Variants in ZNF366 observed in about 807,000 individuals in gnomAD.
ZNF366 encodes zinc finger protein 366.
A neutral mutation model predicts 47.2 loss-of-function variants in ZNF366; 20 were observed. That is an observed-to-expected ratio of 0.42 (90% confidence interval 0.30 to 0.62). ZNF366 has a LOEUF of 0.62. Ranked by LOEUF, ZNF366 falls within the 20% of genes least tolerant of loss-of-function variation. The pLI, the probability that ZNF366 is intolerant of heterozygous loss-of-function variation, is 0.16. For missense variants in ZNF366, 987 were observed against 976.3 expected (o/e 1.01, Z -0.15); for synonymous variants, 421 against 395.1 (o/e 1.07, Z -0.78).
rs1743185865 is a variant in ZNF366, at chr5:72,456,396, C to T, written c.1524+8G>A. On this transcript the variant is annotated splice_region_variant and intron_variant, in intron 3 of 4. Transcript: ENST00000318442. ...ACCCTCTGGTTCCTCTCTAGTCCCACTGCCCACCTTGCATTTGAAAGGCTT... is the reference window on the plus strand; with the variant it reads ...ACCCTCTGGTTCCTCTCTAGTCCCATTGCCCACCTTGCATTTGAAAGGCTT... 6.3e-7 allele frequency: 1 copy of T among 1,594,678 alleles called. No individual in the cohort carries two copies. Among genetic ancestry groups the T allele is most frequent in the Non-Finnish European group, 8.6e-7 (1 of 1,165,280 alleles).
rs1743296876 is a variant in ZNF366 at position 72,460,972 on chromosome 5, G to A, written c.525C>T (p.Pro175=). The A allele has an allele frequency of 1.2e-6, 2 of 1,613,430 alleles. No individual in the cohort carries two copies. Among genetic ancestry groups the A allele is most frequent in the Non-Finnish European group, 1.7e-6 (2 of 1,179,682 alleles). ...GGCCCGGGTGGACTTTGGGGTAGTAGGGGTAGGGCGTGGGCAGGAATGGAG... is the reference window on the plus strand; with the variant it reads ...GGCCCGGGTGGACTTTGGGGTAGTAAGGGTAGGGCGTGGGCAGGAATGGAG... The part of the protein sequence containing the change: ...TPTPFLPTPY[P]YYPKVHPGLM... Residue 175 remains proline, a synonymous_variant, in exon 2 of 5, where the codon CCC becomes CCT. Transcript: ENST00000318442.
chr5:72,449,175 C>T (rs1034843274), intron 3 of ZNF366, among the ~76,000 whole-genome samples: 12 of 151,984 alleles, frequency 7.9e-5, no homozygotes, highest in African/African-American at 2.9e-4. Flanking sequence ...TCAGCATGCA[C>T]ATGTATAAAA....
chr5:72,504,200 C>A (rs1313847825), intron 1 of ZNF366, among the ~76,000 whole-genome samples: 2 of 152,058 alleles, frequency 1.3e-5, no homozygotes, highest in African/African-American at 4.8e-5. Flanking sequence ...GAGAGAGAAC[C>A]CCAAGTGTGC....
chr5:72,496,529 A>G (rs1406219282), intron 1 of ZNF366, among the ~76,000 whole-genome samples: 1 of 152,052 alleles, frequency 6.6e-6, no homozygotes, highest in African/African-American at 2.4e-5. Context: ...TTGCTTATCC[A>G]CTCACCAATT....
At chr5:72,503,516 T>C (rs1356504331) in intron 1 of ZNF366, among the ~76,000 whole-genome samples, 3 of 149,840 alleles carry the variant, frequency 2.0e-5, no homozygotes, top group Non-Finnish European at 3.0e-5. Context: ...AACAAGCCCG[T>C]AGGTGAATTC....
In ZNF366 at chr5:72,460,600, G is replaced by A. The variant is rs911164073; in HGVS notation, c.897C>T (p.His299=). 6.2e-7 allele frequency: 1 copy of A among 1,614,164 alleles called. No homozygotes were observed. The highest frequency in any genetic ancestry group is 1.3e-5 in the African/African-American group (1 of 75,072). Residue 299 remains histidine, a synonymous_variant, in exon 2 of 5, where the codon CAC becomes CAT. Coordinates refer to ENST00000318442, the MANE Select transcript of ZNF366 (RefSeq NM_152625.3). The part of the protein sequence containing the change: ...LFKQLSHLHT[H]MLTHQGTRPH... ...GCCGCGTGCCCTGGTGGGTCAGCATGTGGGTATGCAGGTGGCTGAGCTGCT... is the reference window on the plus strand; with the variant it reads ...GCCGCGTGCCCTGGTGGGTCAGCATATGGGTATGCAGGTGGCTGAGCTGCT...
Position 72,447,491 on chromosome 5 carries a change from T to C in ZNF366, c.1525-74A>G, listed in dbSNP as rs2112315705. On this transcript the variant is annotated intron_variant, in intron 3 of 4. Transcript: ENST00000318442. Reference sequence around the variant, plus strand: ...CCCATCCAGGCCCCTGGAGCACAGATACCGTTTCTACTTTGTTTGGACATT... The same window carrying C: ...CCCATCCAGGCCCCTGGAGCACAGACACCGTTTCTACTTTGTTTGGACATT... The C allele has an allele frequency of 3.3e-6, 5 of 1,536,986 alleles. No individual in the cohort carries two copies. The South Asian group carries it at 3.6e-5, about 11-fold the overall frequency.
At chr5:72,482,502 A>C (rs1743808146) in intron 1 of ZNF366, among the ~76,000 whole-genome samples, 1 of 152,210 alleles carries the variant, frequency 6.6e-6, no homozygotes. Context: ...TTCTTTCAAC[A>C]GACAGGGGAC....
chr5:72,473,915 C>T lies in ZNF366; in HGVS notation c.-14-12405G>A, dbSNP rs530036014. On this transcript the variant is annotated intron_variant, in intron 1 of 4. Coordinates refer to ENST00000318442, the MANE Select transcript of ZNF366 (RefSeq NM_152625.3). ...ATATCCCTTGCTTGGTTGTGATCCTCTTACTATGCATTGCTATATCTGCCT... is the reference window on the plus strand; with the variant it reads ...ATATCCCTTGCTTGGTTGTGATCCTTTTACTATGCATTGCTATATCTGCCT... Among the ~76,000 whole-genome samples, 7 of 152,318 alleles carry T rather than the reference C, an allele frequency of 4.6e-5. No individual in the cohort carries two copies. The South Asian group carries it at 1.2e-3, about 27-fold the overall frequency.
chr5:72,454,069 T>C (rs978468350), intron 3 of ZNF366, among the ~76,000 whole-genome samples: 3 of 152,226 alleles, frequency 2.0e-5, no homozygotes, highest in Non-Finnish European at 2.9e-5. Context: ...CTGTGCATTG[T>C]TTCAAAGCTG....
Position 72,461,578 on chromosome 5 carries a change from T to A in ZNF366, c.-14-68A>T. On this transcript the variant is annotated intron_variant, in intron 1 of 4. Coordinates refer to ENST00000318442, the MANE Select transcript of ZNF366 (RefSeq NM_152625.3). Reference sequence around the variant, plus strand: ...TTAAAATTCTCTTTTTCCTTAAGGATTATGGCTATTTATCAGTACTAATTT... The same window carrying A: ...TTAAAATTCTCTTTTTCCTTAAGGAATATGGCTATTTATCAGTACTAATTT... 3.3e-6 allele frequency: 5 copies of A among 1,499,620 alleles called. No individual in the cohort carries two copies. In the South Asian group the frequency reaches 5.5e-5, roughly 17 times the overall value. 92.9% of individuals were successfully genotyped at this position (1,499,620 alleles called of 1,614,324 possible).
At chr5:72,502,949 C>A (rs1341690832) in intron 1 of ZNF366, among the ~76,000 whole-genome samples, 1 of 152,048 alleles carries the variant, frequency 6.6e-6, no homozygotes, top group Non-Finnish European at 1.5e-5. Context: ...CATGGTGAAT[C>A]CCCATCTCTA....
rs1175782444 is a variant in ZNF366, at chr5:72,442,695, AC to A, written c.*1060del. The stretch of plus-strand genomic sequence containing the variant: ...TTTTGAGGCAGAGTCTCACTCTGTC[AC>A]CCAGGCTGTAGTGCAGTAGCGTGAT... On this transcript the variant is annotated 3_prime_UTR_variant, in exon 5 of 5. Transcript: ENST00000318442. 8.0e-6 allele frequency: 1 copy of A among 124,226 alleles called. No homozygotes were observed. Among genetic ancestry groups the A allele is most frequent in the African/African-American group, 3.1e-5 (1 of 31,972 alleles). 7.7% of individuals were successfully genotyped at this position (124,226 alleles called of 1,614,324 possible). A position where few individuals can be genotyped will look rare whatever the true frequency, so the allele number is the denominator to read the frequency against.
intron 1 of ZNF366, among the ~76,000 whole-genome samples, chr5:72,506,046 A>G (rs1744313001): frequency 6.6e-6 from 1 of 152,246 alleles, no homozygotes. Flanking sequence ...TGATGGTTCA[A>G]TTTTGAATAA....
intron 1 of ZNF366, among the ~76,000 whole-genome samples, chr5:72,500,766 G>T (rs151333810): frequency 3.3e-5 from 5 of 152,196 alleles, no homozygotes; most frequent in African/African-American, 1.2e-4. Context: ...ACTTGAATGT[G>T]CAACTGGTCA....
intron 2 of ZNF366, among the ~76,000 whole-genome samples, chr5:72,459,266 A>T (rs1743253199): frequency 6.6e-6 from 1 of 152,068 alleles, no homozygotes; most frequent in Admixed American, 6.6e-5. Context: ...TGCTTTAGAA[A>T]CTCTGGCTTG....
rs1365722244 is a variant in ZNF366 at position 72,460,311 on chromosome 5, A to G, written c.1186T>C (p.Ser396Pro). 1 of 1,614,140 alleles carries G rather than the reference A, an allele frequency of 6.2e-7. No homozygotes were observed. ...THRGPIQYNC[S>P]ECDKTFQYPS... ...TACTGGAAGGTCTTGTCGCACTCGG[A>G]GCAGTTGTACTGGATGGGGCCCCGG... Residue 396 changes from serine (S) to proline (P), a missense_variant, in exon 2 of 5, where the codon TCC (serine) becomes CCC (proline). Coordinates refer to ENST00000318442, the MANE Select transcript of ZNF366 (RefSeq NM_152625.3).
chr5:72,447,686 T>G (rs1367242759), intron 3 of ZNF366, among the ~76,000 whole-genome samples: 1 of 152,226 alleles, frequency 6.6e-6, no homozygotes, highest in Non-Finnish European at 1.5e-5. Context: ...TAAAAGCTTT[T>G]GAAAAGGAGA....
At chr5:72,469,969 C>T (rs565301716) in intron 1 of ZNF366, among the ~76,000 whole-genome samples, 8 of 152,214 alleles carry the variant, frequency 5.3e-5, no homozygotes, top group South Asian at 2.1e-4. Flanking sequence ...TGCTTGAGCT[C>T]GGGATTTCAA....
Sources: allele counts gnomAD v4.1 joint callset (sites outside exome capture counted in the v4.1 genomes callset), GRCh38; gene constraint gnomAD v4.1.1; transcripts MANE v1.5; gene names NCBI Gene and HGNC (gene_info 2026-07-23, HGNC 2026-07-21).